Variants in AKT3 observed in about 807,000 individuals in gnomAD.
AKT3 encodes the protein AKT serine/threonine kinase 3, also known as RAC-gamma serine/threonine-protein kinase.
Under a neutral mutation model 65.3 loss-of-function variants are expected in AKT3, and 15 were observed. The observed-to-expected ratio is 0.23, with a 90% confidence interval of 0.15 to 0.35. The LOEUF is 0.35. Ranked by LOEUF, AKT3 falls within the 10% of genes least tolerant of loss-of-function variation. The probability of loss-of-function intolerance (pLI) is 1.00; values close to 1 mark genes in which losing one functional copy is unlikely to be tolerated. For synonymous variants in AKT3, 206 were observed against 183.8 expected (o/e 1.12, Z -0.98); for missense variants, 243 against 576.5 (o/e 0.42, Z 5.92).
chr1:243,843,083 A>G, intron 2 of AKT3, 42 bp downstream of exon 2: 1 of 1,606,680 alleles, frequency 6.2e-7, no homozygotes, highest in Non-Finnish European at 8.5e-7. Context: ...CACTGCTAGC[A>G]CTCTTACCAA....
At chr1:243,575,975 A>G (rs996484164) in intron 8 of AKT3, among the ~76,000 whole-genome samples, 1 of 152,212 alleles carries the variant, frequency 6.6e-6, no homozygotes, top group African/African-American at 2.4e-5. Context: ...AGATGAGATC[A>G]GATTGGTTAG....
chr1:243,711,058 C>T (rs1237108169), intron 2 of AKT3, among the ~76,000 whole-genome samples: 1 of 152,130 alleles, frequency 6.6e-6, no homozygotes. Flanking sequence ...CAGTGGCTCA[C>T]GCCTGTAATC....
chr1:243,538,394 G>GA (rs775835692), intron 12 of AKT3, among the ~76,000 whole-genome samples: 59 of 139,394 alleles, frequency 4.2e-4, no homozygotes, highest in East Asian at 1.7e-3. Flanking sequence ...AAGGAACAAA[G>GA]AAAAAAAAAA....
chr1:243,729,668 A>G (rs962083791), intron 2 of AKT3, among the ~76,000 whole-genome samples: 2 of 152,300 alleles, frequency 1.3e-5, no homozygotes, highest in Non-Finnish European at 2.9e-5. Context: ...ATATGGGAAA[A>G]CGTTCATAAT....
chr1:243,692,720 A>G (rs933213340), intron 3 of AKT3, among the ~76,000 whole-genome samples: 1 of 152,074 alleles, frequency 6.6e-6, no homozygotes, highest in Non-Finnish European at 1.5e-5. Context: ...CCCGGGGGAC[A>G]GAGTGAGACT....
chr1:243,748,221 T>C (rs1359669747), intron 2 of AKT3, among the ~76,000 whole-genome samples: 2 of 152,172 alleles, frequency 1.3e-5, no homozygotes, highest in Non-Finnish European at 2.9e-5. Flanking sequence ...TTCAGAGTTT[T>C]GAAAGAACCA....
intron 9 of AKT3, among the ~76,000 whole-genome samples, chr1:243,569,074 C>T (rs1034639357): frequency 6.6e-6 from 1 of 152,146 alleles, no homozygotes; most frequent in African/African-American, 2.4e-5. Flanking sequence ...AGCCCACATA[C>T]ATCAAACTCA....
chr1:243,564,778 T>C (rs948607515), intron 9 of AKT3, among the ~76,000 whole-genome samples: 17 of 152,184 alleles, frequency 1.1e-4, no homozygotes, highest in Non-Finnish European at 2.5e-4. Context: ...GTATTTCTTC[T>C]GTCATACTGA....
intron 8 of AKT3, among the ~76,000 whole-genome samples, chr1:243,603,082 T>C (rs931040999): frequency 9.8e-5 from 15 of 152,340 alleles, no homozygotes; most frequent in African/African-American, 3.4e-4. Flanking sequence ...CATGTAAATT[T>C]AGTAACATTT....
At chr1:243,684,288 C>G (rs1684130446) in intron 3 of AKT3, among the ~76,000 whole-genome samples, 1 of 152,048 alleles carries the variant, frequency 6.6e-6, no homozygotes, top group African/African-American at 2.4e-5. Context: ...GGTATTTCTC[C>G]TAATGCTATC....
chr1:243,543,633 C>A (rs138560693), intron 12 of AKT3, among the ~76,000 whole-genome samples: 50 of 152,264 alleles, frequency 3.3e-4, no homozygotes, highest in African/African-American at 1.1e-3. Flanking sequence ...GAAAACAGTA[C>A]ACAGCTCATT....
chr1:243,601,544 A>C (rs759905913), intron 8 of AKT3, among the ~76,000 whole-genome samples: 17 of 152,192 alleles, frequency 1.1e-4, no homozygotes, highest in Non-Finnish European at 2.1e-4. Flanking sequence ...AACAAATGAC[A>C]CAGAAATTGC....
chr1:243,583,276 C>T lies in AKT3; in HGVS notation c.697-10228G>A, dbSNP rs1470163990. Among the ~76,000 whole-genome samples, 7 of 146,836 alleles carry T rather than the reference C, an allele frequency of 4.8e-5. No homozygotes were observed. In the Admixed American group the frequency reaches 4.8e-4, roughly 10 times the overall value. ...CACCCAATATTGGAGAACCCAGAGTCATAAAACAAGTACTACTAGATCTAC... is the reference window on the plus strand; with the variant it reads ...CACCCAATATTGGAGAACCCAGAGTTATAAAACAAGTACTACTAGATCTAC... On this transcript the variant is annotated intron_variant, in intron 8 of 13. Coordinates refer to ENST00000673466, the MANE Select transcript of AKT3 (RefSeq NM_005465.7).
At chr1:243,513,953 A>G (rs1456631132) in intron 12 of AKT3, among the ~76,000 whole-genome samples, 1 of 152,184 alleles carries the variant, frequency 6.6e-6, no homozygotes. Flanking sequence ...CACCAGCCTC[A>G]CATATCACAT....
intron 2 of AKT3, among the ~76,000 whole-genome samples, chr1:243,737,403 G>A (rs530822582): frequency 6.6e-6 from 1 of 152,180 alleles, no homozygotes; most frequent in East Asian, 1.9e-4. Flanking sequence ...TCCAGGTTAG[G>A]AGCCCCTTCT....
intron 6 of AKT3, among the ~76,000 whole-genome samples, chr1:243,620,864 A>C (rs1185511565): frequency 6.6e-6 from 1 of 152,138 alleles, no homozygotes; most frequent in Non-Finnish European, 1.5e-5. Context: ...ATCATGATAT[A>C]ATCACTTTGG....
chr1:243,509,103 C>T (rs1295608952), intron 13 of AKT3, among the ~76,000 whole-genome samples: 2 of 152,120 alleles, frequency 1.3e-5, no homozygotes, highest in East Asian at 1.9e-4. Context: ...TTTAAAGACA[C>T]CAAGGTTGTA....
chr1:243,500,632 CAGTT>C lies in AKT3; in HGVS notation c.*4613_*4616del, dbSNP rs113626297. 1.7e-5 allele frequency: 4 copies of C among 229,528 alleles called. No individual in the cohort carries two copies. Among genetic ancestry groups the C allele is most frequent in the Admixed American group, 5.7e-5 (1 of 17,644 alleles). The allele number at this position is 229,528 out of a possible 1,614,324, so 14.2% of individuals were successfully genotyped here. On this transcript the variant is annotated 3_prime_UTR_variant, in exon 14 of 14. Transcript: ENST00000673466. The stretch of plus-strand genomic sequence containing the variant: ...ATGACAAACACTAAAGGCAAGGCTG[CAGTT>C]AGTTAGGACAGGTCCCTGACCTTCG...
rs72249798 is a variant in AKT3, at chr1:243,609,334, CTGTGTGTGTGTG to C, written c.696+4325_696+4336del. On this transcript the variant is annotated intron_variant, in intron 8 of 13. Coordinates refer to ENST00000673466, the MANE Select transcript of AKT3 (RefSeq NM_005465.7). ...TTAAATATAAATAACTTTTCATTTTCTGTGTGTGTGTGTGTGTGTGTGTGTGTGTGTGTACCA... is the reference window on the plus strand; with the variant it reads ...TTAAATATAAATAACTTTTCATTTTCTGTGTGTGTGTGTGTGTGTGTACCA... 2.7e-5 allele frequency among the ~76,000 whole-genome samples: 4 copies of C among 148,070 alleles called. No individual in the cohort carries two copies. The South Asian group carries it at 6.5e-4, about 24-fold the overall frequency.
Sources: allele counts gnomAD v4.1 joint callset (sites outside exome capture counted in the v4.1 genomes callset), GRCh38; gene constraint gnomAD v4.1.1; transcripts MANE v1.5; gene names NCBI Gene and HGNC (gene_info 2026-07-23, HGNC 2026-07-21).